Variants in VAT1L observed in about 807,000 individuals in gnomAD.
VAT1L encodes the protein putative NADPH-dependent quinone oxidoreductase VAT1L.
Under a neutral mutation model 44.1 loss-of-function variants are expected in VAT1L, and 34 were observed. The ratio of observed to expected loss-of-function variants is 0.77; its 90% CI spans 0.59 to 1.03. VAT1L has a LOEUF of 1.03. Ranked by LOEUF, VAT1L falls within the 50% of genes least tolerant of loss-of-function variation. The pLI, the probability that VAT1L is intolerant of heterozygous loss-of-function variation, is 0.00. For synonymous variants in VAT1L, 253 were observed against 202.2 expected (o/e 1.25, Z -2.13); for missense variants, 615 against 538.8 (o/e 1.14, Z -1.40).
intron 7 of VAT1L, among the ~76,000 whole-genome samples, chr16:77,920,542 G>A (rs1223045743): frequency 6.6e-6 from 1 of 152,136 alleles, no homozygotes; most frequent in Non-Finnish European, 1.5e-5. Context: ...GTGTTCATAT[G>A]TCAATATATG....
rs1330291795 is a variant in VAT1L at position 77,879,087 on chromosome 16, A to AC, written c.827-81dup. ...CAAGATTTCTCCAGTTCCGGACCAA[A>AC]CAATTGCCATTTTTTTCATGCATAA... On this transcript the variant is annotated intron_variant, in intron 5 of 8. Transcript: ENST00000302536. This position sits in a 1 kb window ranked among gnomAD's most constrained non-coding sequence, Gnocchi z 4.1. 8 of 1,458,706 alleles carry AC rather than the reference A, an allele frequency of 5.5e-6. No individual in the cohort carries two copies. The highest frequency in any genetic ancestry group is 7.7e-6 in the Non-Finnish European group (8 of 1,042,212). 90.4% of individuals were successfully genotyped at this position (1,458,706 alleles called of 1,614,324 possible).
At chr16:77,867,868 A>AAG (rs2016991559) in intron 4 of VAT1L, among the ~76,000 whole-genome samples, 1 of 151,796 alleles carries the variant, frequency 6.6e-6, no homozygotes, top group Non-Finnish European at 1.5e-5. Context: ...AAAAAAAAAA[A>AAG]AAAGAAAGAA....
intron 7 of VAT1L, among the ~76,000 whole-genome samples, chr16:77,944,043 G>A (rs1172585543): frequency 6.6e-6 from 1 of 152,150 alleles, no homozygotes; most frequent in East Asian, 1.9e-4. Context: ...TTCTCAGCTG[G>A]GAGCAGTTTC....
At chr16:77,975,384 G>T (rs544716769) in intron 8 of VAT1L, among the ~76,000 whole-genome samples, 3 of 151,462 alleles carry the variant, frequency 2.0e-5, no homozygotes, top group East Asian at 3.9e-4. Context: ...GCTAATTTTT[G>T]TATTTTTAGT....
chr16:77,939,036 G>T (rs965294281), intron 7 of VAT1L, among the ~76,000 whole-genome samples: 1 of 152,124 alleles, frequency 6.6e-6, no homozygotes, highest in Non-Finnish European at 1.5e-5. Flanking sequence ...GGACTGCTCA[G>T]ATCTGGGCTT....
chr16:77,918,030 G>C (rs1597097970), intron 7 of VAT1L, among the ~76,000 whole-genome samples: 1 of 152,292 alleles, frequency 6.6e-6, no homozygotes, highest in East Asian at 1.9e-4. Context: ...AAAGAGCAGA[G>C]ACACAGCCTG....
intron 3 of VAT1L, among the ~76,000 whole-genome samples, chr16:77,853,854 A>C (rs903014315): frequency 1.3e-5 from 2 of 152,118 alleles, no homozygotes; most frequent in African/African-American, 2.4e-5. Context: ...ATTAAAAAAA[A>C]ATGAGGCCGG....
chr16:77,797,076 A>T (rs1350365718), intron 1 of VAT1L, among the ~76,000 whole-genome samples: 1 of 151,590 alleles, frequency 6.6e-6, no homozygotes. Flanking sequence ...ACCATTACAT[A>T]GTATATCCAC....
At chr16:77,878,905 T>G (rs961628940) in intron 5 of VAT1L, among the ~76,000 whole-genome samples, 1 of 152,174 alleles carries the variant, frequency 6.6e-6, no homozygotes, top group Admixed American at 6.5e-5. Context: ...TTGGCCTACA[T>G]CATATTTTTG....
intron 1 of VAT1L, among the ~76,000 whole-genome samples, chr16:77,793,077 G>A (rs978342073): frequency 1.3e-5 from 2 of 152,030 alleles, no homozygotes; most frequent in Admixed American, 6.5e-5. Context: ...TTTACTTTTG[G>A]TTGCCATAGA....
intron 7 of VAT1L, among the ~76,000 whole-genome samples, chr16:77,946,279 C>CGTTTTTTTTT (rs1223152362): frequency 9.9e-5 from 7 of 70,426 alleles, no homozygotes; most frequent in African/African-American, 3.7e-4. Context: ...GTTACTTGTT[C>CGTTTTTTTTT]TTTTTTTTTT....
At position 77,810,310 on chromosome 16, in the gene VAT1L, C is replaced by T. The variant is rs569678933; in HGVS notation, c.234-6611C>T. Among the ~76,000 whole-genome samples the T allele has an allele frequency of 4.6e-5, 7 of 152,270 alleles. No homozygotes were observed. In the East Asian group the frequency reaches 5.8e-4, roughly 13 times the overall value. On this transcript the variant is annotated intron_variant, in intron 1 of 8. Transcript: ENST00000302536. ...CTTAGAAATGAAAAACTTCAGACCT[C>T]GCCCCAGATCTACTTGAGTCCAGAA...
intron 7 of VAT1L, among the ~76,000 whole-genome samples, chr16:77,929,240 T>C (rs1301706179): frequency 2.0e-5 from 3 of 152,208 alleles, no homozygotes; most frequent in Non-Finnish European, 4.4e-5. Flanking sequence ...TCTCCTTCAA[T>C]AATGAGTCTC....
chr16:77,925,667 T>C lies in VAT1L; in HGVS notation c.1077+40865T>C, dbSNP rs369284180. ...TACAGTTTCCCTTCCTAAAATCAAT[T>C]TTGCTTTTCCCTCGTTCTGCAGATG... On this transcript the variant is annotated intron_variant, in intron 7 of 8. Transcript: ENST00000302536. Among the ~76,000 whole-genome samples the C allele has an allele frequency of 1.8e-4, 28 of 152,252 alleles. No individual in the cohort carries two copies. The South Asian group carries it at 2.3e-3, about 12-fold the overall frequency.
chr16:77,801,484 C>G (rs2016050779), intron 1 of VAT1L: 1 of 152,184 alleles, frequency 6.6e-6, no homozygotes, highest in Admixed American at 6.5e-5. Flanking sequence ...TTCTCCAACT[C>G]ACTTTACCCT....
intron 7 of VAT1L, among the ~76,000 whole-genome samples, chr16:77,957,261 A>G (rs866593115): frequency 1.3e-5 from 2 of 152,200 alleles, no homozygotes; most frequent in African/African-American, 2.4e-5. Context: ...AAACCTTCAG[A>G]CATTATGGAA....
chr16:77,825,891 C>T, intron 3 of VAT1L, among the ~76,000 whole-genome samples: 1 of 149,790 alleles, frequency 6.7e-6, no homozygotes. Flanking sequence ...GGCGTAGTGG[C>T]AGGCGCCTGT....
intron 4 of VAT1L, among the ~76,000 whole-genome samples, chr16:77,868,636 G>C (rs914490767): frequency 2.0e-5 from 3 of 152,180 alleles, no homozygotes; most frequent in Non-Finnish European, 2.9e-5. Context: ...GATCTTTCTA[G>C]CACCCACACT....
chr16:77,916,281 C>T (rs946214773), intron 7 of VAT1L, among the ~76,000 whole-genome samples: 2 of 152,104 alleles, frequency 1.3e-5, no homozygotes, highest in South Asian at 2.1e-4. Flanking sequence ...GGAAATGCTG[C>T]CTCCTCTAGA....
Sources: gnomAD v4.1 joint callset for allele counts (sites outside exome capture counted in the v4.1 genomes callset) on GRCh38, gnomAD v4.1.1 for gene constraint, Gnocchi (gnomAD v3.1) non-coding constraint, MANE v1.5 for transcripts, NCBI Gene and HGNC (gene_info 2026-07-23, HGNC 2026-07-21) for gene names.